Variants in KCTD19 observed in about 807,000 individuals in gnomAD.
The protein encoded by KCTD19 is BTB/POZ domain-containing protein KCTD19.
KCTD19 carries 67 observed loss-of-function variants against 103.5 expected under a neutral mutation model. The observed-to-expected ratio is 0.65, with a 90% confidence interval of 0.53 to 0.79. The LOEUF is 0.79. Ranked by LOEUF, KCTD19 falls within the 30% of genes least tolerant of loss-of-function variation. KCTD19 has a pLI of 0.00. For missense variants in KCTD19, 980 were observed against 1,136.1 expected, an observed-to-expected ratio of 0.86 and a Z score of 1.98; for synonymous variants, 439 against 452.2, an observed-to-expected ratio of 0.97 and a Z score of 0.37.
At position 67,296,264 on chromosome 16, in the gene KCTD19, G is replaced by A. The variant is rs751584398; in HGVS notation, c.1148-5C>T. The A allele has an allele frequency of 9.5e-6, 15 of 1,581,358 alleles. No homozygotes were observed. The highest frequency in any genetic ancestry group is 1.7e-4 in the Middle Eastern group (1 of 5,994). On this transcript the variant is annotated splice_polypyrimidine_tract_variant and splice_region_variant and intron_variant, in intron 7 of 15. Transcript: ENST00000304372. ...TGATCTCTGCCGTCCACTCATCTATGGGAATCCAGGAGATAGAACACATCA... is the reference window on the plus strand; with the variant it reads ...TGATCTCTGCCGTCCACTCATCTATAGGAATCCAGGAGATAGAACACATCA...
intron 6 of KCTD19, 60 bp from the exon 7 acceptor site, chr16:67,297,723 C>G: frequency 6.5e-7 from 1 of 1,537,968 alleles, no homozygotes; most frequent in Non-Finnish European, 8.8e-7. Context: ...GAGAGTCGAG[C>G]CTGTAAACTT....
intron 12 of KCTD19, among the ~76,000 whole-genome samples, chr16:67,292,154 A>C (rs1052384805): frequency 2.0e-5 from 3 of 152,204 alleles, no homozygotes; most frequent in African/African-American, 7.2e-5. Context: ...CGTGAGCCAC[A>C]CGCACAGGCT....
intron 2 of KCTD19, among the ~76,000 whole-genome samples, chr16:67,312,205 G>A (rs1016913063): frequency 3.3e-5 from 5 of 152,162 alleles, no homozygotes; most frequent in African/African-American, 7.2e-5. Context: ...GTGGACTTCA[G>A]GGGGGAAGTA....
At chr16:67,310,213 C>T (rs1402348079) in intron 2 of KCTD19, among the ~76,000 whole-genome samples, 3 of 152,200 alleles carry the variant, frequency 2.0e-5, no homozygotes, top group Non-Finnish European at 4.4e-5. Context: ...TGCCAGTTTC[C>T]CCTAATAGAT....
intron 2 of KCTD19, among the ~76,000 whole-genome samples, chr16:67,314,167 TCC>T (rs2036978221): frequency 8.7e-6 from 1 of 114,668 alleles, no homozygotes; most frequent in African/African-American, 3.5e-5. Context: ...CCTCTCTCCC[TCC>T]CTCCCTCCTC....
chr16:67,305,901 C>T (rs972331152), intron 2 of KCTD19, among the ~76,000 whole-genome samples: 2 of 152,072 alleles, frequency 1.3e-5, no homozygotes, highest in Non-Finnish European at 1.5e-5. Flanking sequence ...AAACTGTGCC[C>T]GCATAATCAC....
chr16:67,316,914 G>A (rs2037019250), intron 2 of KCTD19, among the ~76,000 whole-genome samples: 1 of 152,202 alleles, frequency 6.6e-6, no homozygotes, highest in South Asian at 2.1e-4. Flanking sequence ...CTGGGTGCCT[G>A]TACTCCAGAA....
In KCTD19 at chr16:67,293,805, G is replaced by C; in HGVS notation, c.1957C>G (p.Gln653Glu). Residue 653 changes from glutamine (Q) to glutamate (E), a missense_variant, in exon 12 of 16, where the codon CAG becomes GAG. Transcript: ENST00000304372. The surrounding 1 kb of genome is among the most constrained non-coding windows in gnomAD (Gnocchi z 4.0). ...DMVNCKQWEFQPLTATRSSPL... is the reference protein window; with the variant it reads ...DMVNCKQWEFEPLTATRSSPL... ...CTGCTCCGTGTGGCTGTCAGTGGCT[G>C]GAATTCCCACTGTTTGCAATTGACC... The C allele has an allele frequency of 6.2e-7, 1 of 1,613,762 alleles. No individual in the cohort carries two copies. The highest frequency in any genetic ancestry group is 8.5e-7 in the Non-Finnish European group (1 of 1,180,032).
At position 67,294,956 on chromosome 16, in the gene KCTD19, T is replaced by A; in HGVS notation, c.1475+17A>T. 6.3e-7 allele frequency: 1 copy of A among 1,585,784 alleles called. No homozygotes were observed. The highest frequency in any genetic ancestry group is 8.7e-7 in the Non-Finnish European group (1 of 1,154,144). ...GGACCAAATTCTAAACATAGAGTCGTGATAAAGTTTTCTTACTTGTATGCT... is the reference window on the plus strand; with the variant it reads ...GGACCAAATTCTAAACATAGAGTCGAGATAAAGTTTTCTTACTTGTATGCT... On this transcript the variant is annotated intron_variant, in intron 10 of 15. Coordinates refer to ENST00000304372, the MANE Select transcript of KCTD19 (RefSeq NM_001100915.3).
rs147536831 is a variant in KCTD19 at position 67,293,558 on chromosome 16, C to T, written c.2204G>A (p.Arg735Lys). 2 of 1,613,900 alleles carry T rather than the reference C, an allele frequency of 1.2e-6. No homozygotes were observed. The highest frequency in any genetic ancestry group is 2.7e-5 in the African/African-American group (2 of 75,020). Residue 735 changes from arginine to lysine, a missense_variant, in exon 12 of 16, where the codon AGG becomes AAG. Physicochemically the swap from Arg to Lys is conservative, Grantham distance 26. Transcript: ENST00000304372. This position sits in a 1 kb window ranked among gnomAD's most constrained non-coding sequence, Gnocchi z 4.0. ...AGTLKDWSKQ[R>K]TKERESPAPE... is the part of the protein sequence containing the mutation. ...ACAGGACTCACCTCTCTCCTTGGTC[C>T]TCTGCTTGCTCCAGTCCTTCAGGGT...
At position 67,294,988 on chromosome 16, in the gene KCTD19, T is replaced by G. The variant is rs200312357; in HGVS notation, c.1460A>C (p.Gln487Pro). ...GTTTTCTTACTTGTATGCTTCACAT[T>G]GTGCAAGGGCTTCTGAGAGGGATGG... ...HIPSLSEALA[Q>P]CEAYKSWTQE... Residue 487 changes from glutamine to proline, a missense_variant, in exon 10 of 16, where the codon CAA becomes CCA. By Grantham distance (76) the Gln-to-Pro change is moderately conservative. Transcript: ENST00000304372. 3.3e-4 allele frequency: 533 copies of G among 1,613,252 alleles called. 1 individual carries two copies. The highest frequency in any genetic ancestry group is 4.1e-4 in the Non-Finnish European group (484 of 1,179,330).
rs1567455295 is a variant in KCTD19 at position 67,320,638 on chromosome 16, T to A, written c.251A>T (p.Asn84Ile). The change falls in exon 2 of 16, where the codon AAC becomes ATC. Residue 84 changes from asparagine (N) to isoleucine (I), a missense_variant. By Grantham distance (149) the Asn-to-Ile change is moderately radical. Transcript: ENST00000304372. The surrounding 1 kb of genome is among the most constrained non-coding windows in gnomAD (Gnocchi z 4.0). The part of the protein sequence containing the change: ...KLSFSSCAEL[N>I]LLYEQALGLQ... ...ACCCAATGCTTGCTCATACAGCAAGTTCAGTTCTGCACAACTGGAGAAGGA... is the reference window on the plus strand; with the variant it reads ...ACCCAATGCTTGCTCATACAGCAAGATCAGTTCTGCACAACTGGAGAAGGA... The A allele has an allele frequency of 6.2e-7, 1 of 1,614,186 alleles. No individual in the cohort carries two copies.
chr16:67,317,300 A>G (rs1375755979), intron 2 of KCTD19, among the ~76,000 whole-genome samples: 1 of 151,916 alleles, frequency 6.6e-6, no homozygotes, highest in Non-Finnish European at 1.5e-5. Flanking sequence ...CCAACATAAC[A>G]AAACCCCATC....
chr16:67,291,505 G>T (rs1189713485), intron 13 of KCTD19, 42 bp from the exon 14 acceptor site: 1 of 1,601,452 alleles, frequency 6.2e-7, no homozygotes, highest in South Asian at 1.1e-5. Context: ...TCTGTCAATA[G>T]CTAGGGCCTT....
chr16:67,317,727 T>C (rs373638606), intron 2 of KCTD19, among the ~76,000 whole-genome samples: 1 of 152,200 alleles, frequency 6.6e-6, no homozygotes, highest in African/African-American at 2.4e-5. Flanking sequence ...GATGTGGCTA[T>C]AGAAAGTATA....
chr16:67,297,615 C>T lies in KCTD19; in HGVS notation c.1035G>A (p.Glu345=). ...CRLPLTETIS[E]VYELCAFLDK... ...CTAGGAAGGCACAGAGCTCATATAC[C>T]TCGGAAATGGTCTCTGTCAGGGGCA... Residue 345 remains glutamate, a synonymous_variant, in exon 7 of 16, where the codon GAG becomes GAA. Transcript: ENST00000304372. The T allele has an allele frequency of 6.2e-7, 1 of 1,614,054 alleles. No homozygotes were observed. The highest frequency in any genetic ancestry group is 1.3e-5 in the African/African-American group (1 of 75,024).
At position 67,290,871 on chromosome 16, in the gene KCTD19, C is replaced by T; in HGVS notation, c.2667+14G>A. 1 of 1,603,170 alleles carries T rather than the reference C, an allele frequency of 6.2e-7. No homozygotes were observed. Among genetic ancestry groups the T allele is most frequent in the South Asian group, 1.1e-5 (1 of 89,332 alleles). ...AGGGTCGGTGGATTCCCAGGGATTG[C>T]AAGTGGCCCTCACCTCCACCCAGCT... On this transcript the variant is annotated intron_variant, in intron 15 of 15. Coordinates refer to ENST00000304372, the MANE Select transcript of KCTD19 (RefSeq NM_001100915.3).
chr16:67,324,117 T>G (rs1424093356), intron 1 of KCTD19, among the ~76,000 whole-genome samples: 1 of 152,174 alleles, frequency 6.6e-6, no homozygotes, highest in Non-Finnish European at 1.5e-5. Context: ...AAGTTTAAGG[T>G]CATCTGTACA....
chr16:67,310,194 T>C (rs1157937499), intron 2 of KCTD19, among the ~76,000 whole-genome samples: 1 of 152,212 alleles, frequency 6.6e-6, no homozygotes, highest in East Asian at 1.9e-4. Flanking sequence ...CACTTACTTA[T>C]TTTTGATCTG....
Sources: allele counts gnomAD v4.1 joint callset (sites outside exome capture counted in the v4.1 genomes callset), GRCh38; gene constraint gnomAD v4.1.1; non-coding constraint Gnocchi (gnomAD v3.1); transcripts MANE v1.5; gene names NCBI Gene and HGNC (gene_info 2026-07-23, HGNC 2026-07-21).